HERC3: variants seen among roughly 807,000 people sequenced by gnomAD.
HERC3 encodes the protein probable E3 ubiquitin-protein ligase HERC3.
A neutral mutation model predicts 129.9 loss-of-function variants in HERC3; 58 were observed. That is an observed-to-expected ratio of 0.45 (90% CI 0.36 to 0.56). The LOEUF (loss-of-function observed/expected upper bound fraction) is 0.56. HERC3 is among the 20% of genes least tolerant of loss of function. HERC3 has a pLI of 0.00. For missense variants in HERC3, 835 were observed against 1,244.2 expected (o/e 0.67, Z 4.95); for synonymous variants, 430 against 451.0 (o/e 0.95, Z 0.59).
chr4:88,706,731 G>A (rs1380361997), intron 25 of HERC3, 21 bp from the exon 26 acceptor site: 1 of 1,608,446 alleles, frequency 6.2e-7, no homozygotes, highest in Non-Finnish European at 8.5e-7. Context: ...AGCTGCTAAT[G>A]CCATTTCTCG....
At chr4:88,568,061 T>G in the HERC3 span, among the ~76,000 whole-genome samples, 1 of 152,246 alleles carries the variant, frequency 6.6e-6, no homozygotes, top group African/African-American at 2.4e-5. Flanking sequence ...AGTGGTCTTG[T>G]GTAAGATAAG....
At chr4:88,616,004 TATAC>T (rs749373777) in intron 3 of HERC3, among the ~76,000 whole-genome samples, 3 of 152,214 alleles carry the variant, frequency 2.0e-5, no homozygotes, top group Non-Finnish European at 4.4e-5. Context: ...TATACAAACA[TATAC>T]ATCTATAAAT....
intron 3 of HERC3, among the ~76,000 whole-genome samples, chr4:88,628,783 G>C (rs923560765): frequency 6.6e-6 from 1 of 152,080 alleles, no homozygotes. Context: ...TGCAGGCTTG[G>C]GAATGACCTC....
At chr4:88,617,357 TAACAAC>T (rs201293085) in intron 3 of HERC3, among the ~76,000 whole-genome samples, 4 of 151,880 alleles carry the variant, frequency 2.6e-5, no homozygotes, top group South Asian at 2.1e-4. Context: ...AGAGAGCCCT[TAACAAC>T]AACAACAACA....
chr4:88,605,000 T>A (rs1341053036), intron 2 of HERC3, among the ~76,000 whole-genome samples: 1 of 152,208 alleles, frequency 6.6e-6, no homozygotes, highest in Non-Finnish European at 1.5e-5. Context: ...AATGAAACTT[T>A]AGGCTAGGGT....
the HERC3 span, among the ~76,000 whole-genome samples, chr4:88,557,480 G>C: frequency 6.6e-6 from 1 of 152,080 alleles, no homozygotes; most frequent in Non-Finnish European, 1.5e-5. Flanking sequence ...ATTTTTGGTG[G>C]ATATTTGTTC....
rs558055233 is a variant in HERC3 at position 88,690,232 on chromosome 4, G to A, written c.2657+2933G>A. The A allele has an allele frequency of 5.1e-6, 5 of 977,520 alleles. No homozygotes were observed. In the African/African-American group the frequency reaches 8.8e-5, roughly 17 times the overall value. 60.6% of individuals were successfully genotyped at this position (977,520 alleles called of 1,614,324 possible). On this transcript the variant is annotated intron_variant, in intron 23 of 25. Transcript: ENST00000402738. ...TTAACAGTAAATAATTTATCTTCAG[G>A]ATGTTTATTTCCTTAATAAGACCAG...
rs3220740 is a variant in HERC3 at position 88,612,289 on chromosome 4, C to CTGTGTGTGTGTGTG, written c.226+6265_226+6278dup. On this transcript the variant is annotated intron_variant, in intron 3 of 25. Coordinates refer to ENST00000402738, the MANE Select transcript of HERC3 (RefSeq NM_014606.3). ...ATTAGCAATACCCTTATGTGACCAA[C>CTGTGTGTGTGTGTG]TGTGTGTGTGTGTGTGTGTGTGTGT... Among the ~76,000 whole-genome samples, 565 of 141,694 alleles carry CTGTGTGTGTGTGTG rather than the reference C, an allele frequency of 4.0e-3. 2 individuals are homozygous for CTGTGTGTGTGTGTG. The highest frequency in any genetic ancestry group is 0.015 in the South Asian group (63 of 4,090). 93.0% of individuals were successfully genotyped at this position (141,694 alleles called of 152,430 possible). A position where few individuals can be genotyped will look rare whatever the true frequency, so the allele number is the denominator to read the frequency against.
chr4:88,670,419 T>C (rs796388787), intron 16 of HERC3, among the ~76,000 whole-genome samples, 167 bp downstream of exon 16: 20 of 152,306 alleles, frequency 1.3e-4, no homozygotes, highest in African/African-American at 4.6e-4. Flanking sequence ...ATCATCAATG[T>C]TATAAGGAGT....
At chr4:88,641,499 A>G (rs1728086445) in intron 3 of HERC3, among the ~76,000 whole-genome samples, 1 of 152,218 alleles carries the variant, frequency 6.6e-6, no homozygotes, top group Non-Finnish European at 1.5e-5. Context: ...ACAATAGAGA[A>G]AATCAATGGA....
the HERC3 span, among the ~76,000 whole-genome samples, chr4:88,529,779 T>C: frequency 5.9e-5 from 9 of 152,270 alleles, no homozygotes; most frequent in East Asian, 7.7e-4. Context: ...GTTGGTTCTC[T>C]TTAGCTGGTT....
At chr4:88,535,041 A>C in the HERC3 span, among the ~76,000 whole-genome samples, 3 of 152,230 alleles carry the variant, frequency 2.0e-5, no homozygotes, top group Non-Finnish European at 2.9e-5. Flanking sequence ...CTCTCCAGTG[A>C]TGTAGCTAAC....
intron 16 of HERC3, among the ~76,000 whole-genome samples, chr4:88,675,177 C>T (rs902826588): frequency 7.2e-5 from 11 of 152,200 alleles, no homozygotes; most frequent in Non-Finnish European, 1.3e-4. Flanking sequence ...CACTGCCCAT[C>T]TGGCTGGGAT....
At chr4:88,545,430 C>CCTTTTTTTTTTTTTTTTTTTTTTTTTTTT in the HERC3 span, among the ~76,000 whole-genome samples, 56 of 110,394 alleles carry the variant, frequency 5.1e-4, 4 homozygotes, top group East Asian at 6.5e-3. Flanking sequence ...TTTGAGAATT[C>CCTTTTTTTTTTTTTTTTTTTTTTTTTTTT]TTTTTTTTTT....
At chr4:88,630,185 T>C (rs770507927) in intron 3 of HERC3, among the ~76,000 whole-genome samples, 62 of 152,324 alleles carry the variant, frequency 4.1e-4, no homozygotes, top group Non-Finnish European at 7.9e-4. Context: ...TTCTCTGATA[T>C]TGTACCCTTG....
rs553910322 is a variant in HERC3, at chr4:88,680,136, C to G, written c.2240C>G (p.Thr747Arg). ...GEEAVDAGGVTKEFFLLLLKE... is the reference protein window; with the variant it reads ...GEEAVDAGGVRKEFFLLLLKE... ...GAAGCAGTGGATGCCGGTGGTGTTA[C>G]AAAGGAATTTTTTCTTTTGCTGTTA... The change falls in exon 20 of 26, where the codon ACA becomes AGA. Residue 747 changes from threonine to arginine, a missense_variant. Physicochemically the swap from Thr to Arg is moderately conservative, Grantham distance 71. Transcript: ENST00000402738. The G allele has an allele frequency of 1.9e-6, 3 of 1,613,096 alleles. No individual in the cohort carries two copies. The highest frequency in any genetic ancestry group is 2.5e-6 in the Non-Finnish European group (3 of 1,179,466).
At chr4:88,634,687 T>A (rs1201541394) in intron 3 of HERC3, among the ~76,000 whole-genome samples, 1 of 145,754 alleles carries the variant, frequency 6.9e-6, no homozygotes, top group Non-Finnish European at 1.5e-5. Flanking sequence ...CCCAACTGGG[T>A]GAGACCCCAC....
chr4:88,608,172 A>G (rs1370740992), intron 3 of HERC3, among the ~76,000 whole-genome samples: 1 of 152,116 alleles, frequency 6.6e-6, no homozygotes, highest in African/African-American at 2.4e-5. Flanking sequence ...TGTCAGTGTA[A>G]ATTTATAATC....
At chr4:88,653,418 C>A (rs1233900715) in intron 6 of HERC3, among the ~76,000 whole-genome samples, 1 of 152,146 alleles carries the variant, frequency 6.6e-6, no homozygotes, top group African/African-American at 2.4e-5. Context: ...GAAAAATGTT[C>A]CTGTCAGAGA....
Sources: gnomAD v4.1 joint callset for allele counts (sites outside exome capture counted in the v4.1 genomes callset) on GRCh38, gnomAD v4.1.1 for gene constraint, MANE v1.5 for transcripts, NCBI Gene and HGNC (gene_info 2026-07-23, HGNC 2026-07-21) for gene names.